The following TFDP2 variants were observed in gnomAD, a reference collection of about 807,000 sequenced individuals.
TFDP2 encodes transcription factor Dp-2 (E2F dimerization partner 2).
TFDP2 carries 17 observed loss-of-function variants against 59.3 expected under a neutral mutation model. The ratio of observed to expected loss-of-function variants is 0.29; its 90% confidence interval spans 0.20 to 0.43. The LOEUF is 0.43. Ranked by LOEUF, TFDP2 falls within the 20% of genes least tolerant of loss-of-function variation. The pLI, the probability that TFDP2 is intolerant of heterozygous loss-of-function variation, is 1.00. For synonymous variants in TFDP2, 180 were observed against 194.7 expected, an observed-to-expected ratio of 0.92 and a Z score of 0.63; for missense variants, 391 against 528.8, an observed-to-expected ratio of 0.74 and a Z score of 2.56.
At chr3:142,118,468 TGAA>T (rs1314576526) in intron 1 of TFDP2, among the ~76,000 whole-genome samples, 6 of 152,260 alleles carry the variant, frequency 3.9e-5, no homozygotes, top group African/African-American at 1.4e-4. Context: ...TTTGAGGATA[TGAA>T]GAAGACCTTG....
chr3:141,967,573 C>T (rs1479864566), intron 9 of TFDP2, among the ~76,000 whole-genome samples: 5 of 152,078 alleles, frequency 3.3e-5, no homozygotes, highest in East Asian at 1.9e-4. Context: ...GGATTACATG[C>T]GTGAGCCACC....
chr3:141,990,311 G>C (rs1423718429), intron 6 of TFDP2, among the ~76,000 whole-genome samples: 1 of 151,848 alleles, frequency 6.6e-6, no homozygotes, highest in Non-Finnish European at 1.5e-5. Flanking sequence ...GTCTCACCCT[G>C]TTGCCCAAAA....
At chr3:141,980,317 T>C (rs1201143110) in intron 6 of TFDP2, among the ~76,000 whole-genome samples, 2 of 152,100 alleles carry the variant, frequency 1.3e-5, no homozygotes, top group Non-Finnish European at 2.9e-5. Flanking sequence ...GAAAATATTT[T>C]TGTACAGCTG....
chr3:141,992,280 G>A (rs922855833), intron 6 of TFDP2, among the ~76,000 whole-genome samples: 1 of 151,820 alleles, frequency 6.6e-6, no homozygotes, highest in Non-Finnish European at 1.5e-5. Flanking sequence ...AAAAAAAAAT[G>A]CTAGGAAAAA....
chr3:142,070,191 G>A (rs906142706), intron 3 of TFDP2, among the ~76,000 whole-genome samples: 8 of 152,340 alleles, frequency 5.3e-5, no homozygotes, highest in Non-Finnish European at 1.2e-4. Context: ...ATAGGCGTGA[G>A]CCACCGCACC....
chr3:142,073,457 ACCCCCCCCCCCCCGC>A (rs2060321075), intron 3 of TFDP2, among the ~76,000 whole-genome samples: 3 of 14,062 alleles, frequency 2.1e-4, no homozygotes, highest in African/African-American at 1.9e-4. Flanking sequence ...CAAACAAACA[ACCCCCCCCCCCCCGC>A]AAAAAAAAAA....
chr3:142,052,254 T>G (rs566695101), intron 3 of TFDP2, among the ~76,000 whole-genome samples: 1 of 152,174 alleles, frequency 6.6e-6, no homozygotes, highest in Non-Finnish European at 1.5e-5. Flanking sequence ...AACCTTAGTA[T>G]TGGCCGTGCG....
At chr3:142,093,744 G>A (rs2061074253) in intron 2 of TFDP2, among the ~76,000 whole-genome samples, 1 of 152,102 alleles carries the variant, frequency 6.6e-6, no homozygotes, top group African/African-American at 2.4e-5. Flanking sequence ...AAATACATTG[G>A]CCTTAAGTCC....
At position 142,001,402 on chromosome 3, in the gene TFDP2, G is replaced by A. The variant is rs149301643; in HGVS notation, c.186+4039C>T. ...AAGGGATTGCCAGGGTTTCATTAGCGCCTGAAGCCCCTCTTTTGATAGTTC... is the reference window on the plus strand; with the variant it reads ...AAGGGATTGCCAGGGTTTCATTAGCACCTGAAGCCCCTCTTTTGATAGTTC... On this transcript the variant is annotated intron_variant, in intron 4 of 12. Transcript: ENST00000489671. Among the ~76,000 whole-genome samples the A allele has an allele frequency of 3.1e-3, 473 of 152,282 alleles. 2 individuals carry two copies. The highest frequency in any genetic ancestry group is 0.011 in the African/African-American group (447 of 41,572).
chr3:142,136,744 T>C (rs948120994), intron 1 of TFDP2, among the ~76,000 whole-genome samples: 1 of 151,880 alleles, frequency 6.6e-6, no homozygotes, highest in African/African-American at 2.4e-5. Flanking sequence ...TGTTCTGTTC[T>C]ATTGGTCTAT....
At chr3:141,979,005 C>CAGCT (rs1229253272) in intron 6 of TFDP2, among the ~76,000 whole-genome samples, 1 of 152,190 alleles carries the variant, frequency 6.6e-6, no homozygotes, top group Non-Finnish European at 1.5e-5. Flanking sequence ...TGCCCTTGTA[C>CAGCT]AGCTAACAGA....
intron 3 of TFDP2, among the ~76,000 whole-genome samples, chr3:142,046,771 CTGTAT>C (rs976629517): frequency 9.2e-5 from 14 of 152,136 alleles, no homozygotes; most frequent in Non-Finnish European, 2.1e-4. Flanking sequence ...ACATTTTAAT[CTGTAT>C]TGCCAATCTC....
At chr3:142,021,420 G>A (rs1945594277) in intron 3 of TFDP2, among the ~76,000 whole-genome samples, 1 of 152,146 alleles carries the variant, frequency 6.6e-6, no homozygotes, top group South Asian at 2.1e-4. Flanking sequence ...TCACCCAAAT[G>A]GATCACCTAA....
rs1935982083 is a variant in TFDP2, at chr3:141,951,977, C to T, written c.*536G>A. On this transcript the variant is annotated 3_prime_UTR_variant, in exon 13 of 13. Transcript: ENST00000489671. ...TAAAGCACCTCATCTAGACCTCCAA[C>T]TAGTTCAGCAGTTCAATCTGTGCCC... The T allele has an allele frequency of 2.0e-5, 3 of 152,732 alleles. No homozygotes were observed. Among genetic ancestry groups the T allele is most frequent in the Admixed American group, 2.0e-4 (3 of 15,284 alleles). The allele number at this position is 152,732 out of a possible 1,614,324, so 9.5% of individuals were successfully genotyped here. A position where few individuals can be genotyped will look rare whatever the true frequency, so the allele number is the denominator to read the frequency against.
intron 9 of TFDP2, among the ~76,000 whole-genome samples, chr3:141,965,894 G>A (rs1158357668): frequency 6.6e-6 from 1 of 151,882 alleles, no homozygotes; most frequent in Non-Finnish European, 1.5e-5. Flanking sequence ...TGATTAAACT[G>A]TGGAACTGAG....
intron 3 of TFDP2, among the ~76,000 whole-genome samples, chr3:142,057,637 T>C (rs2059787545): frequency 6.6e-6 from 1 of 152,234 alleles, no homozygotes; most frequent in Admixed American, 6.5e-5. Context: ...CCATAAATTA[T>C]TTTATTCCAA....
At chr3:141,975,604 A>C (rs1416990942) in intron 7 of TFDP2, among the ~76,000 whole-genome samples, 2 of 151,924 alleles carry the variant, frequency 1.3e-5, no homozygotes, top group East Asian at 3.9e-4. Context: ...TGAGGCAGGA[A>C]AATCGCTTGA....
At position 142,110,552 on chromosome 3, in the gene TFDP2, C is replaced by A. The variant is rs2061619166; in HGVS notation, c.-92-8711G>T. ...AGAATTATATAATAATGAATAATGG[C>A]ATAATGAGATACATGAATAATGTTA... is the stretch of plus-strand genomic sequence containing the variant. On this transcript the variant is annotated intron_variant, in intron 1 of 12. Coordinates refer to ENST00000489671, the MANE Select transcript of TFDP2 (RefSeq NM_001178139.2). Among the ~76,000 whole-genome samples the A allele has an allele frequency of 2.0e-5, 3 of 151,648 alleles. No individual in the cohort carries two copies. In the South Asian group the frequency reaches 6.3e-4, roughly 32 times the overall value.
chr3:141,955,716 A>C (rs78526128), intron 11 of TFDP2, among the ~76,000 whole-genome samples: 11,359 of 152,338 alleles, frequency 0.075, 528 homozygotes, highest in Non-Finnish European at 0.11. Flanking sequence ...CCTAGTATTA[A>C]AATGCCTTTA....
Sources: gnomAD v4.1 joint callset for allele counts (sites outside exome capture counted in the v4.1 genomes callset) on GRCh38, gnomAD v4.1.1 for gene constraint, MANE v1.5 for transcripts, NCBI Gene and HGNC (gene_info 2026-07-23, HGNC 2026-07-21) for gene names.